The following KRT84 variants were observed in gnomAD, a reference collection of about 807,000 sequenced individuals.
KRT84 encodes keratin, type II cuticular Hb4.
A neutral mutation model predicts 49.0 loss-of-function variants in KRT84; 38 were observed. The observed-to-expected ratio is 0.78, with a 90% CI of 0.60 to 1.02. The LOEUF (loss-of-function observed/expected upper bound fraction) is 1.02. KRT84 is among the 50% of genes least tolerant of loss of function. The probability of loss-of-function intolerance (pLI) is 0.00; values close to 1 mark genes in which losing one functional copy is unlikely to be tolerated. For missense variants in KRT84, 860 were observed against 788.6 expected (o/e 1.09, Z -1.08); for synonymous variants, 334 against 312.8 (o/e 1.07, Z -0.72).
At position 52,378,047 on chromosome 12, in the gene KRT84, C is replaced by A; in HGVS notation, c.1790G>T (p.Arg597Leu). 3 of 1,470,918 alleles carry A rather than the reference C, an allele frequency of 2.0e-6. No homozygotes were observed. Among genetic ancestry groups the A allele is most frequent in the Non-Finnish European group, 1.8e-6 (2 of 1,112,848 alleles). 91.1% of individuals were successfully genotyped at this position (1,470,918 alleles called of 1,614,324 possible). Residue 597 changes from arginine (R) to leucine (L), a missense_variant, in exon 9 of 9, where the codon CGG becomes CTG. Coordinates refer to ENST00000257951, the MANE Select transcript of KRT84 (RefSeq NM_033045.4). ...VRFVSTTTSC[R>L]TKY ...GGGGCTGGGCTCTCAGTACTTGGTC[C>A]GGCAGGAGGTGGTGGTGGACACAAA...
chr12:52,378,487 G>T (rs1328943979), intron 8 of KRT84, 107 bp from the exon 9 acceptor site: 12 of 833,064 alleles, frequency 1.4e-5, no homozygotes, highest in Non-Finnish European at 1.9e-5. Context: ...GTGGGGTCAG[G>T]GTTGTGGCAT....
At chr12:52,386,596 T>C (rs1939576919), upstream of KRT84, among the ~76,000 whole-genome samples, 1 of 152,022 alleles carries the variant, frequency 6.6e-6, no homozygotes, top group South Asian at 2.1e-4. Flanking sequence ...GGAAAGTTTC[T>C]GTATAGAAAG....
chr12:52,381,361 C>G lies in KRT84; in HGVS notation c.1077G>C (p.Lys359Asn). 1 of 1,614,192 alleles carries G rather than the reference C, an allele frequency of 6.2e-7. No homozygotes were observed. The highest frequency in any genetic ancestry group is 1.1e-5 in the South Asian group (1 of 91,078). ...RADAEAWYQT[K>N]YEEMQVTAGQ... Reference sequence around the variant, plus strand: ...CCCTTCCCCAGCCTCCACTGCCCACCTTGGTCTGGTACCAGGCCTCAGCAT... The same window carrying G: ...CCCTTCCCCAGCCTCCACTGCCCACGTTGGTCTGGTACCAGGCCTCAGCAT... The change falls in exon 5 of 9, where the codon AAG becomes AAC. Residue 359 changes from lysine to asparagine, a missense_variant and splice_region_variant. Transcript: ENST00000257951.
rs757670890 is a variant in KRT84, at chr12:52,381,092, G to A, written c.1191C>T (p.His397=). The A allele has an allele frequency of 1.1e-5, 18 of 1,613,820 alleles. 1 individual carries two copies. The highest frequency in any genetic ancestry group is 1.6e-4 in the Middle Eastern group (1 of 6,082). ...LIQRLKAEIE[H]AKAQRAKLEA... Reference sequence around the variant, plus strand: ...TTCCTTTGCCCACCTGAGCCTTGGCGTGCTCAATCTCTGCCTTAAGCCTCT... The same window carrying A: ...TTCCTTTGCCCACCTGAGCCTTGGCATGCTCAATCTCTGCCTTAAGCCTCT... The change falls in exon 6 of 9, where the codon CAC becomes CAT. Residue 397 remains histidine, a synonymous_variant. Coordinates refer to ENST00000257951, the MANE Select transcript of KRT84 (RefSeq NM_033045.4).
In KRT84 at chr12:52,382,420, A is replaced by AT; in HGVS notation, c.912+16_912+17insA. 6.4e-7 allele frequency: 1 copy of AT among 1,573,616 alleles called. No individual in the cohort carries two copies. Among genetic ancestry groups the AT allele is most frequent in the Non-Finnish European group, 8.7e-7 (1 of 1,143,008 alleles). On this transcript the variant is annotated intron_variant, in intron 4 of 8. Coordinates refer to ENST00000257951, the MANE Select transcript of KRT84 (RefSeq NM_033045.4). The stretch of plus-strand genomic sequence containing the variant: ...GCATTGATCTCCTTGGGTGCCCTAG[A>AT]GAAGATGAACCCTCACCTCCATGTA...
At chr12:52,379,954 T>C in intron 7 of KRT84, 47 bp from the exon 8 acceptor site, 8 of 1,557,090 alleles carry the variant, frequency 5.1e-6, no homozygotes, top group Non-Finnish European at 6.2e-6. Flanking sequence ...TATTGTTTCC[T>C]GAAAACCTAT....
chr12:52,381,050 C>A (rs767395117), intron 6 of KRT84, 30 bp downstream of exon 6: 12 of 1,610,364 alleles, frequency 7.5e-6, no homozygotes, highest in Non-Finnish European at 9.3e-6. Flanking sequence ...TCTCCCTCAT[C>A]TGAGGCTTTC....
At position 52,382,523 on chromosome 12, in the gene KRT84, C is replaced by T; in HGVS notation, c.826G>A (p.Ala276Thr). 6.2e-7 allele frequency: 1 copy of T among 1,612,792 alleles called. No individual in the cohort carries two copies. The highest frequency in any genetic ancestry group is 8.5e-7 in the Non-Finnish European group (1 of 1,178,794). Residue 276 changes from alanine (A) to threonine (T), a missense_variant, in exon 4 of 9, where the codon GCA becomes ACA. Transcript: ENST00000257951. ...EFVALKKDVD[A>T]AFMNKSDLEA... is the part of the protein sequence containing the mutation. ...AGATCAGACTTGTTCATGAAAGCTG[C>T]ATCCACATCCTGTATAAAACAGAGA...
upstream of KRT84, among the ~76,000 whole-genome samples, chr12:52,385,989 C>G (rs1939568849): frequency 6.6e-6 from 1 of 152,134 alleles, no homozygotes; most frequent in Non-Finnish European, 1.5e-5. Flanking sequence ...GTGTGGCTAA[C>G]CACCAGAAAG....
rs951773 is a variant in KRT84 at position 52,380,451 on chromosome 12, A to T, written c.1336T>A (p.Cys446Ser). 6.2e-7 allele frequency: 1 copy of T among 1,614,118 alleles called. No individual in the cohort carries two copies. Among genetic ancestry groups the T allele is most frequent in the Non-Finnish European group, 8.5e-7 (1 of 1,180,020 alleles). The change falls in exon 7 of 9, where the codon TGC becomes AGC. Residue 446 changes from cysteine to serine, a missense_variant. Cys to Ser is a moderately radical substitution (Grantham distance 112, BLOSUM62 -1). Transcript: ENST00000257951. ...GCATTCATCAGCTCCTGGTACTCGC[A>T]CAGCTGCCGCGCCATGTCCTGCTTG... is the stretch of plus-strand genomic sequence containing the variant. ...QAKQDMARQLCEYQELMNAKL... is the reference protein window; with the variant it reads ...QAKQDMARQLSEYQELMNAKL...
rs754405597 is a variant in KRT84, at chr12:52,383,648, C to T, written c.697G>A (p.Ala233Thr). 1 of 1,614,050 alleles carries T rather than the reference C, an allele frequency of 6.2e-7. No homozygotes were observed. Among genetic ancestry groups the T allele is most frequent in the Non-Finnish European group, 8.5e-7 (1 of 1,180,040 alleles). ...TGGTTCCTCTCAGCCTGGAGCCGGG[C>T]CTGATCACTGACCAGCACCTCCAAC... ...RQLEVLVSDQ[A>T]RLQAERNHLQ... Residue 233 changes from alanine to threonine, a missense_variant, in exon 2 of 9, where the codon GCC becomes ACC. Coordinates refer to ENST00000257951, the MANE Select transcript of KRT84 (RefSeq NM_033045.4).
chr12:52,382,731 ATGTTCAGTTAGAG>A (rs778810787), intron 3 of KRT84, among the ~76,000 whole-genome samples, 199 bp from the exon 4 acceptor site: 48 of 152,198 alleles, frequency 3.2e-4, no homozygotes, highest in Non-Finnish European at 6.3e-4. Context: ...ACATTTCCTG[ATGTTCAGTTAGAG>A]GCAAAGAAAA....
intron 8 of KRT84, 46 bp from the exon 9 acceptor site, chr12:52,378,426 T>G: frequency 1.5e-6 from 2 of 1,373,936 alleles, no homozygotes; most frequent in Non-Finnish European, 1.9e-6. Context: ...ACCAGGGCCC[T>G]CCACCTCCAT....
rs1441177050 is a variant in KRT84 at position 52,384,989 on chromosome 12, G to A, written c.546+51C>T. ...TTTTTAAGGGAAAGAGCACTCTAGC[G>A]CATTTTGGCTGTAATATTCCTAGAC... On this transcript the variant is annotated intron_variant, in intron 1 of 8. Coordinates refer to ENST00000257951, the MANE Select transcript of KRT84 (RefSeq NM_033045.4). 5 of 1,542,144 alleles carry A rather than the reference G, an allele frequency of 3.2e-6. No homozygotes were observed. In the East Asian group the frequency reaches 9.0e-5, roughly 28 times the overall value.
Position 52,385,172 on chromosome 12 carries a change from T to C in KRT84, c.414A>G (p.Thr138=). The change falls in exon 1 of 9, where the codon ACA becomes ACG. Residue 138 remains threonine (T), a synonymous_variant. Transcript: ENST00000257951. ...GTAGGCTCTTGTTCACAGTCACAGCTGTGATAGATGGGGCTGCTGGGACTC... is the reference window on the plus strand; with the variant it reads ...GTAGGCTCTTGTTCACAGTCACAGCCGTGATAGATGGGGCTGCTGGGACTC... The part of the protein sequence containing the change: ...GVGVPAAPSI[T]AVTVNKSLLT... 6.2e-7 allele frequency: 1 copy of C among 1,606,366 alleles called. No homozygotes were observed. The highest frequency in any genetic ancestry group is 8.5e-7 in the Non-Finnish European group (1 of 1,175,336).
chr12:52,385,336 C>T lies in KRT84; in HGVS notation c.250G>A (p.Gly84Arg). ...CCTCTCCCATCACCAAAACCCATCC[C>T]ACAGCCAGCACCAAAGCGGACTCCA... Reference protein sequence around the residue: ...HCGVRFGAGCGMGFGDGRGVG... With the variant: ...HCGVRFGAGCRMGFGDGRGVG... The change falls in exon 1 of 9, where the codon GGG becomes AGG. Residue 84 changes from glycine to arginine, a missense_variant. Gly to Arg is a moderately radical substitution (Grantham distance 125). Transcript: ENST00000257951. The T allele has an allele frequency of 6.2e-7, 1 of 1,614,188 alleles. No homozygotes were observed. The highest frequency in any genetic ancestry group is 1.7e-5 in the Admixed American group (1 of 60,028).
upstream of KRT84, among the ~76,000 whole-genome samples, chr12:52,386,184 T>C (rs777763213): frequency 2.6e-5 from 4 of 152,238 alleles, no homozygotes; most frequent in Non-Finnish European, 4.4e-5. Context: ...TTATCCAATA[T>C]GGCTGTTTAG....
chr12:52,378,522 A>G (rs1231959091), intron 8 of KRT84, 142 bp from the exon 9 acceptor site: 5 of 565,766 alleles, frequency 8.8e-6, no homozygotes, highest in African/African-American at 2.0e-5. Flanking sequence ...CCTATTGTCT[A>G]TACAGTCAGT....
chr12:52,383,516 C>T (rs1248656889), intron 2 of KRT84, 74 bp downstream of exon 2: 4 of 1,281,118 alleles, frequency 3.1e-6, no homozygotes, highest in Non-Finnish European at 4.4e-6. Flanking sequence ...CAGCTGCTCT[C>T]ATCTGAGCTT....
Sources: gnomAD v4.1 joint callset for allele counts (sites outside exome capture counted in the v4.1 genomes callset) on GRCh38, gnomAD v4.1.1 for gene constraint, MANE v1.5 for transcripts, NCBI Gene and HGNC (gene_info 2026-07-23, HGNC 2026-07-21) for gene names.